The following NCAM2 variants were observed in gnomAD, a reference collection of about 807,000 sequenced individuals.
NCAM2 encodes the protein neural cell adhesion molecule 2.
NCAM2 carries 30 observed loss-of-function variants against 98.1 expected under a neutral mutation model. The observed-to-expected ratio is 0.31, with a 90% confidence interval of 0.23 to 0.41. The LOEUF is 0.41. NCAM2 is among the 10% of genes least tolerant of loss of function. The pLI is 1.00. For synonymous variants in NCAM2, 368 were observed against 342.4 expected (o/e 1.07, Z -0.83); for missense variants, 867 against 1,005.8 (o/e 0.86, Z 1.87).
intron 5 of NCAM2, among the ~76,000 whole-genome samples, chr21:21,303,229 G>C (rs979398383): frequency 6.8e-6 from 1 of 146,180 alleles, no homozygotes; most frequent in Non-Finnish European, 1.5e-5. Context: ...AAAAAAAAAA[G>C]AATATAAAGC....
At chr21:21,104,156 A>G (rs547396216) in intron 1 of NCAM2, among the ~76,000 whole-genome samples, 6 of 152,274 alleles carry the variant, frequency 3.9e-5, no homozygotes, top group African/African-American at 1.4e-4. Flanking sequence ...TAATCTCAAA[A>G]TAGTTTTATA....
intron 15 of NCAM2, among the ~76,000 whole-genome samples, chr21:21,495,129 G>A (rs557380511): frequency 6.7e-6 from 1 of 148,716 alleles, no homozygotes; most frequent in Admixed American, 6.7e-5. Context: ...GGCGGCCATG[G>A]GGGGCTACTT....
chr21:21,188,396 A>C (rs1231390356), intron 1 of NCAM2, among the ~76,000 whole-genome samples: 2 of 152,162 alleles, frequency 1.3e-5, no homozygotes, highest in Non-Finnish European at 1.5e-5. Flanking sequence ...ATAATTACAT[A>C]TCCGTGAAAG....
At chr21:21,433,797 A>AAATAG (rs1326242935) in intron 12 of NCAM2, among the ~76,000 whole-genome samples, 1 of 148,540 alleles carries the variant, frequency 6.7e-6, no homozygotes, top group East Asian at 2.0e-4. Flanking sequence ...AAATAAAATA[A>AAATAG]AAATAAAAGA....
intron 4 of NCAM2, among the ~76,000 whole-genome samples, chr21:21,289,611 T>C (rs1260165464): frequency 6.6e-6 from 1 of 151,910 alleles, no homozygotes; most frequent in Non-Finnish European, 1.5e-5. Context: ...AAGTTTATTA[T>C]TACTAGAACT....
intron 1 of NCAM2, among the ~76,000 whole-genome samples, chr21:21,149,547 C>G (rs2067384210): frequency 6.6e-6 from 1 of 152,014 alleles, no homozygotes; most frequent in African/African-American, 2.4e-5. Context: ...GGTATTTATC[C>G]TAATGCTCTC....
At position 21,508,844 on chromosome 21, in the gene NCAM2, T is replaced by TTTTTTTTTTG; in HGVS notation, c.2078-4_2078-3insTTTTTTGTTT. On this transcript the variant is annotated splice_polypyrimidine_tract_variant and splice_region_variant and intron_variant, in intron 15 of 17. Coordinates refer to ENST00000400546, the MANE Select transcript of NCAM2 (RefSeq NM_004540.5). Reference sequence around the variant, plus strand: ...TTTTTTTTTTTTTTTTTTTTTTACTTTTTAAGACACGCTGTTTAATGGTCT... The same window carrying TTTTTTTTTTG: ...TTTTTTTTTTTTTTTTTTTTTTACTTTTTTTTTTTGTTTAAGACACGCTGTTTAATGGTCT... The TTTTTTTTTTG allele has an allele frequency of 8.3e-7, 1 of 1,202,502 alleles. No homozygotes were observed. The highest frequency in any genetic ancestry group is 1.8e-5 in the South Asian group (1 of 56,918). 74.5% of individuals were successfully genotyped at this position (1,202,502 alleles called of 1,614,324 possible).
intron 1 of NCAM2, among the ~76,000 whole-genome samples, chr21:21,057,997 A>T (rs1006258833): frequency 6.6e-6 from 1 of 152,122 alleles, no homozygotes; most frequent in Admixed American, 6.6e-5. Flanking sequence ...GCTCCCAATG[A>T]AAATGACTTC....
At chr21:21,461,465 G>A (rs1982966561) in intron 12 of NCAM2, among the ~76,000 whole-genome samples, 1 of 151,790 alleles carries the variant, frequency 6.6e-6, no homozygotes, top group Non-Finnish European at 1.5e-5. Context: ...CAATAAATAT[G>A]TTGTAAACAT....
intron 1 of NCAM2, among the ~76,000 whole-genome samples, chr21:21,197,287 G>A (rs1397531523): frequency 6.6e-6 from 1 of 151,960 alleles, no homozygotes; most frequent in Non-Finnish European, 1.5e-5. Flanking sequence ...CCAGCACCAC[G>A]CCTGGCTAAC....
chr21:21,291,479 G>GCA (rs140253595), intron 4 of NCAM2, among the ~76,000 whole-genome samples: 1,781 of 147,864 alleles, frequency 0.012, 33 homozygotes, highest in African/African-American at 0.035. Flanking sequence ...ATATGCATGT[G>GCA]CACACACACA....
At chr21:21,161,576 TG>T (rs2067785220) in intron 1 of NCAM2, among the ~76,000 whole-genome samples, 1 of 151,790 alleles carries the variant, frequency 6.6e-6, no homozygotes, top group African/African-American at 2.4e-5. Context: ...TGTGTGTGTG[TG>T]TGTATGTGAG....
rs1054321849 is a variant in NCAM2 at position 21,418,357 on chromosome 21, G to T, written c.1384-116G>T. 3.0e-5 allele frequency: 21 copies of T among 708,624 alleles called. No individual in the cohort carries two copies. The South Asian group carries it at 3.3e-4, about 11-fold the overall frequency. The allele number at this position is 708,624 out of a possible 1,614,324, so 43.9% of individuals were successfully genotyped here. ...TAATAAAGAAAATTAAAAATATATG[G>T]TAAGGAGTTGTTGGGTAAAAAATGA... is the stretch of plus-strand genomic sequence containing the variant. On this transcript the variant is annotated intron_variant, in intron 10 of 17. Transcript: ENST00000400546.
intron 6 of NCAM2, among the ~76,000 whole-genome samples, chr21:21,335,193 C>G (rs1408145830): frequency 6.6e-6 from 1 of 151,932 alleles, no homozygotes; most frequent in Non-Finnish European, 1.5e-5. Context: ...AAACAGCAAA[C>G]AAAATGTTTT....
chr21:21,521,247 T>C (rs1205089945), intron 16 of NCAM2, among the ~76,000 whole-genome samples: 2 of 152,112 alleles, frequency 1.3e-5, no homozygotes, highest in Admixed American at 1.3e-4. Flanking sequence ...ACAGCCAGAA[T>C]CACGGACTCA....
chr21:21,250,127 A>G (rs1166712348), intron 1 of NCAM2, among the ~76,000 whole-genome samples: 2 of 152,232 alleles, frequency 1.3e-5, no homozygotes, highest in Non-Finnish European at 2.9e-5. Flanking sequence ...TGGACAGGTC[A>G]ACATAAGGCA....
At chr21:21,325,892 A>G (rs1187784465) in intron 6 of NCAM2, among the ~76,000 whole-genome samples, 1 of 152,122 alleles carries the variant, frequency 6.6e-6, no homozygotes, top group Admixed American at 6.6e-5. Context: ...AACATCTTAA[A>G]CTTCAAGCTT....
chr21:21,515,895 T>C (rs1988682978), intron 16 of NCAM2, among the ~76,000 whole-genome samples: 1 of 152,188 alleles, frequency 6.6e-6, no homozygotes, highest in African/African-American at 2.4e-5. Context: ...AGAGTTTTTG[T>C]ATTCCTTGCC....
At chr21:21,085,605 TG>T (rs2065891734) in intron 1 of NCAM2, among the ~76,000 whole-genome samples, 1 of 152,134 alleles carries the variant, frequency 6.6e-6, no homozygotes, top group Non-Finnish European at 1.5e-5. Context: ...GTTGGAGACA[TG>T]GGGCCCTAGG....
Sources: allele counts gnomAD v4.1 joint callset (sites outside exome capture counted in the v4.1 genomes callset), GRCh38; gene constraint gnomAD v4.1.1; transcripts MANE v1.5; gene names NCBI Gene and HGNC (gene_info 2026-07-23, HGNC 2026-07-21).